ATP2C2: variants seen among roughly 807,000 people sequenced by gnomAD.
ATP2C2 encodes ATPase secretory pathway Ca2+ transporting 2.
A neutral mutation model predicts 110.8 loss-of-function variants in ATP2C2; 171 were observed. The ratio of observed to expected loss-of-function variants is 1.54; its 90% CI spans 1.36 to 1.75. ATP2C2 has a LOEUF of 1.75. Ranked by LOEUF, ATP2C2 falls within the 40% of genes most tolerant of loss-of-function variation. ATP2C2 has a pLI of 0.00. For synonymous variants in ATP2C2, 804 were observed against 508.4 expected (o/e 1.58, Z -7.82); for missense variants, 1,963 against 1,235.0 (o/e 1.59, Z -8.84).
In ATP2C2 at chr16:84,440,953, G is replaced by C. The variant is rs1909199104; in HGVS notation, c.1306G>C (p.Val436Leu). 3 of 1,609,378 alleles carry C rather than the reference G, an allele frequency of 1.9e-6. No homozygotes were observed. The highest frequency in any genetic ancestry group is 2.5e-6 in the Non-Finnish European group (3 of 1,177,158). ...EFSNVSVGKL[V>L]EAGCVANNAV... is the part of the protein sequence containing the mutation. ...TTCCAATGTCTCAGTGGGAAAGTTA[G>C]TGGAGGTAGGTGTCAAAAGCGCCAT... Residue 436 changes from valine to leucine, a missense_variant, in exon 14 of 27, where the codon GTG becomes CTG. Transcript: ENST00000262429.
At chr16:84,406,768 G>T in intron 3 of ATP2C2, 1 of 478,404 alleles carries the variant, frequency 2.1e-6, no homozygotes, top group Non-Finnish European at 2.7e-6. Flanking sequence ...GGCTGTGAGG[G>T]AGGAGCTCCC....
intron 1 of ATP2C2, among the ~76,000 whole-genome samples, chr16:84,380,609 A>C (rs12444119): frequency 0.56 from 84,291 of 151,852 alleles, 23,537 homozygotes; most frequent in South Asian, 0.61. Flanking sequence ...AAGTCTAGAG[A>C]GGCTGCAGGA....
At chr16:84,458,522 A>AG (rs1910913359) in intron 21 of ATP2C2, among the ~76,000 whole-genome samples, 1 of 151,410 alleles carries the variant, frequency 6.6e-6, no homozygotes, top group Admixed American at 6.6e-5. Context: ...AAATAAAAAA[A>AG]AAGTCATAAT....
Position 84,425,811 on chromosome 16 carries a change from C to A in ATP2C2, c.986+10C>A, listed in dbSNP as rs760447734. On this transcript the variant is annotated intron_variant, in intron 11 of 26. Transcript: ENST00000262429. Reference sequence around the variant, plus strand: ...TCACGATCGGGGTCAGGTAAGAGTGCTATGGCCGCCCCTTGCCTTGCCAGG... The same window carrying A: ...TCACGATCGGGGTCAGGTAAGAGTGATATGGCCGCCCCTTGCCTTGCCAGG... The A allele has an allele frequency of 6.2e-7, 1 of 1,613,906 alleles. No homozygotes were observed. The highest frequency in any genetic ancestry group is 8.5e-7 in the Non-Finnish European group (1 of 1,179,862).
intron 18 of ATP2C2, 52 bp downstream of exon 18, chr16:84,452,143 C>A (rs12149888): frequency 1.3e-6 from 2 of 1,598,864 alleles, no homozygotes; most frequent in Admixed American, 3.5e-5. Flanking sequence ...CCATCCTTTA[C>A]GATGGGGGGC....
At chr16:84,369,881 C>A (rs1317335851) in intron 1 of ATP2C2, among the ~76,000 whole-genome samples, 31 of 152,156 alleles carry the variant, frequency 2.0e-4, no homozygotes, top group Admixed American at 2.0e-4. Context: ...TGAGCAATCT[C>A]GATTTTTCTG....
At chr16:84,387,502 ACT>A (rs1267351172) in intron 1 of ATP2C2, among the ~76,000 whole-genome samples, 1 of 152,058 alleles carries the variant, frequency 6.6e-6, no homozygotes, top group Non-Finnish European at 1.5e-5. Context: ...ACAGAGTGAG[ACT>A]CTGTCTCAAA....
At chr16:84,451,674 C>A (rs773588973) in intron 17 of ATP2C2, among the ~76,000 whole-genome samples, 1 of 152,094 alleles carries the variant, frequency 6.6e-6, no homozygotes, top group Non-Finnish European at 1.5e-5. Flanking sequence ...CCTGTCTCTA[C>A]TAAAAATACA....
intron 2 of ATP2C2, among the ~76,000 whole-genome samples, chr16:84,400,288 T>G (rs958379300): frequency 1.3e-5 from 2 of 151,810 alleles, no homozygotes; most frequent in Admixed American, 6.6e-5. Flanking sequence ...TATCTAGGAG[T>G]GGGACTGGGG....
intron 13 of ATP2C2, 124 bp downstream of exon 13, chr16:84,439,648 A>G: frequency 2.2e-6 from 2 of 918,860 alleles, no homozygotes; most frequent in East Asian, 2.5e-5. Flanking sequence ...TCATCTTATA[A>G]TCTCCTTGCT....
At chr16:84,391,531 T>G (rs1357707531) in intron 1 of ATP2C2, among the ~76,000 whole-genome samples, 2 of 152,058 alleles carry the variant, frequency 1.3e-5, no homozygotes, top group Admixed American at 1.3e-4. Context: ...ATGACTGGGG[T>G]CTTTATAAGA....
chr16:84,421,615 C>T (rs1907346211), intron 7 of ATP2C2, among the ~76,000 whole-genome samples: 1 of 152,080 alleles, frequency 6.6e-6, no homozygotes, highest in Non-Finnish European at 1.5e-5. Context: ...CCCTGGGAGC[C>T]TCACCTCGGG....
intron 20 of ATP2C2, among the ~76,000 whole-genome samples, chr16:84,453,840 T>A (rs959513643): frequency 6.6e-6 from 1 of 152,066 alleles, no homozygotes; most frequent in Admixed American, 6.5e-5. Context: ...TCTTTTTTTT[T>A]TCTGGGGGTG....
chr16:84,389,722 T>C (rs1427660161), intron 1 of ATP2C2, among the ~76,000 whole-genome samples: 1 of 98,496 alleles, frequency 1.0e-5, no homozygotes, highest in East Asian at 3.1e-4. Context: ...ACTGTTTCCT[T>C]TTTTTTTTTT....
intron 18 of ATP2C2, among the ~76,000 whole-genome samples, chr16:84,452,786 A>G (rs1349711684): frequency 6.6e-6 from 1 of 152,144 alleles, no homozygotes; most frequent in African/African-American, 2.4e-5. Flanking sequence ...GGCATGAGCC[A>G]CTGCGCCCAG....
intron 11 of ATP2C2, among the ~76,000 whole-genome samples, chr16:84,428,893 A>C (rs1191034723): frequency 6.6e-6 from 1 of 152,226 alleles, no homozygotes; most frequent in African/African-American, 2.4e-5. Context: ...CTTTCCCCCT[A>C]GACCTGTTTG....
chr16:84,460,848 C>G, intron 24 of ATP2C2, 47 bp downstream of exon 24: 1 of 1,566,168 alleles, frequency 6.4e-7, no homozygotes, highest in Non-Finnish European at 8.7e-7. Context: ...TGGTGCGGTG[C>G]AGACGCTGGG....
chr16:84,414,892 C>G (rs12933476), intron 6 of ATP2C2, among the ~76,000 whole-genome samples: 39 of 152,006 alleles, frequency 2.6e-4, no homozygotes, highest in African/African-American at 9.2e-4. Context: ...GTTTGGGGTT[C>G]TAAGAGCGCT....
At position 84,453,244 on chromosome 16, in the gene ATP2C2, C is replaced by A; in HGVS notation, c.1929+9C>A. The A allele has an allele frequency of 1.2e-6, 2 of 1,614,000 alleles. No individual in the cohort carries two copies. The highest frequency in any genetic ancestry group is 2.2e-5 in the South Asian group (2 of 91,064). ...CCGACCGCGTGGGGAAGGTGGGTCC[C>A]CGGAGGCTTGGCTGGCAGTGGGGCT... is the stretch of plus-strand genomic sequence containing the variant. On this transcript the variant is annotated intron_variant, in intron 19 of 26. Transcript: ENST00000262429.
Sources: allele counts gnomAD v4.1 joint callset (sites outside exome capture counted in the v4.1 genomes callset), GRCh38; gene constraint gnomAD v4.1.1; transcripts MANE v1.5; gene names NCBI Gene and HGNC (gene_info 2026-07-23, HGNC 2026-07-21).